Variants in NAALADL2 observed in about 807,000 individuals in gnomAD.
NAALADL2 encodes the protein N-acetylated alpha-linked acidic dipeptidase like 2, also known as inactive N-acetylated-alpha-linked acidic dipeptidase-like protein 2.
NAALADL2 carries 76 observed loss-of-function variants against 87.2 expected under a neutral mutation model. The ratio of observed to expected loss-of-function variants is 0.87; its 90% CI spans 0.72 to 1.05. NAALADL2 has a LOEUF of 1.05. Among genes scored for constraint, NAALADL2 ranks in the 50% least tolerant of loss-of-function variants. The pLI is 0.00. For synonymous variants in NAALADL2, 354 were observed against 331.0 expected, an observed-to-expected ratio of 1.07 and a Z score of -0.75; for missense variants, 1,089 against 945.8, an observed-to-expected ratio of 1.15 and a Z score of -1.99.
intron 1 of NAALADL2, among the ~76,000 whole-genome samples, chr3:174,906,258 A>G (rs1373766124): frequency 6.6e-6 from 1 of 152,074 alleles, no homozygotes; most frequent in Non-Finnish European, 1.5e-5. Flanking sequence ...CAGCATCTTC[A>G]TCTCTTTTTG....
At chr3:175,107,511 T>TACACAC (rs776469358) in intron 2 of NAALADL2, among the ~76,000 whole-genome samples, 3 of 117,270 alleles carry the variant, frequency 2.6e-5, no homozygotes, top group Admixed American at 8.4e-5. Flanking sequence ...AACACACACA[T>TACACAC]ACACACACAC....
intron 3 of NAALADL2, among the ~76,000 whole-genome samples, chr3:174,831,928 T>C (rs1305325977): frequency 6.6e-6 from 1 of 151,594 alleles, no homozygotes; most frequent in African/African-American, 2.4e-5. Flanking sequence ...GATGGTAGTT[T>C]GTATTTCTGT....
chr3:175,250,154 A>G (rs1748774344), intron 3 of NAALADL2, among the ~76,000 whole-genome samples: 1 of 150,366 alleles, frequency 6.7e-6, no homozygotes, highest in African/African-American at 2.5e-5. Flanking sequence ...GGGCAACAAG[A>G]GCAAAATTCG....
chr3:174,486,780 A>C (rs1024340034), intron 1 of NAALADL2, among the ~76,000 whole-genome samples: 2 of 152,028 alleles, frequency 1.3e-5, no homozygotes, highest in African/African-American at 4.8e-5. Flanking sequence ...TTAATTAGTT[A>C]TATCACTGAA....
intron 11 of NAALADL2, among the ~76,000 whole-genome samples, chr3:175,692,209 T>C (rs1315391044): frequency 2.0e-5 from 3 of 152,160 alleles, no homozygotes; most frequent in Non-Finnish European, 4.4e-5. Flanking sequence ...GTTTTCACTT[T>C]TTTTTTGCCA....
intron 1 of NAALADL2, among the ~76,000 whole-genome samples, chr3:174,967,157 A>C (rs943951555): frequency 6.6e-6 from 1 of 152,160 alleles, no homozygotes; most frequent in Non-Finnish European, 1.5e-5. Context: ...AGCAGGTAAT[A>C]GTGGTCCCTT....
chr3:175,397,965 C>T (rs1374493732), intron 5 of NAALADL2, among the ~76,000 whole-genome samples: 1 of 152,022 alleles, frequency 6.6e-6, no homozygotes, highest in African/African-American at 2.4e-5. Context: ...TTGTTTTAGT[C>T]TTATCTCTTG....
At chr3:175,110,355 G>GTGAGAAAAATTCATTTCA (rs1363650035) in intron 2 of NAALADL2, among the ~76,000 whole-genome samples, 2 of 151,742 alleles carry the variant, frequency 1.3e-5, no homozygotes, top group African/African-American at 2.4e-5. Context: ...GGCCATATTA[G>GTGAGAAAAATTCATTTCA]TGAGAAAAAT....
At chr3:174,922,497 C>A (rs1167138680) in intron 1 of NAALADL2, among the ~76,000 whole-genome samples, 2 of 152,102 alleles carry the variant, frequency 1.3e-5, no homozygotes, top group African/African-American at 4.8e-5. Flanking sequence ...AACTGTAGGA[C>A]AGCACTATTA....
At chr3:175,012,579 A>G (rs775874044) in intron 1 of NAALADL2, among the ~76,000 whole-genome samples, 1 of 152,158 alleles carries the variant, frequency 6.6e-6, no homozygotes, top group African/African-American at 2.4e-5. Flanking sequence ...TACGGACATT[A>G]TATTTTTATC....
At chr3:175,442,844 A>G (rs1213555786) in intron 5 of NAALADL2, among the ~76,000 whole-genome samples, 1 of 152,212 alleles carries the variant, frequency 6.6e-6, no homozygotes, top group Non-Finnish European at 1.5e-5. Context: ...GCTGCAAGCT[A>G]AAAGTTAAAG....
intron 2 of NAALADL2, among the ~76,000 whole-genome samples, chr3:174,684,904 T>C (rs1727887338): frequency 6.6e-6 from 1 of 152,142 alleles, no homozygotes; most frequent in African/African-American, 2.4e-5. Flanking sequence ...AAGGGTTTTC[T>C]TGTCACCCGG....
intron 3 of NAALADL2, among the ~76,000 whole-genome samples, chr3:174,811,500 A>G (rs998089048): frequency 1.3e-5 from 2 of 152,212 alleles, no homozygotes; most frequent in African/African-American, 2.4e-5. Context: ...TGCATGGGGC[A>G]TGCAACCCTT....
At chr3:175,561,610 A>G (rs1269440912) in intron 9 of NAALADL2, among the ~76,000 whole-genome samples, 1 of 152,180 alleles carries the variant, frequency 6.6e-6, no homozygotes, top group Non-Finnish European at 1.5e-5. Flanking sequence ...ACTGTATGCA[A>G]TATCTATAGA....
intron 6 of NAALADL2, among the ~76,000 whole-genome samples, chr3:175,450,408 A>G (rs977755373): frequency 6.6e-6 from 1 of 152,186 alleles, no homozygotes; most frequent in African/African-American, 2.4e-5. Flanking sequence ...TCTTCACTCA[A>G]CAAGTTGGAA....
At chr3:175,128,918 G>C (rs557850498) in intron 2 of NAALADL2, among the ~76,000 whole-genome samples, 1 of 151,838 alleles carries the variant, frequency 6.6e-6, no homozygotes, top group East Asian at 1.9e-4. Flanking sequence ...TTGTGTACTA[G>C]TTACCAATTT....
intron 4 of NAALADL2, among the ~76,000 whole-genome samples, chr3:175,257,786 C>G (rs1279170106): frequency 1.3e-5 from 2 of 151,876 alleles, no homozygotes; most frequent in Admixed American, 1.3e-4. Flanking sequence ...AAAAAAAGAT[C>G]AAGAGAACAT....
At chr3:174,853,212 A>C (rs1725462844) in intron 3 of NAALADL2, among the ~76,000 whole-genome samples, 1 of 147,114 alleles carries the variant, frequency 6.8e-6, no homozygotes, top group Non-Finnish European at 1.5e-5. Context: ...AAAAAAAAAA[A>C]AAAAAAAAAA....
chr3:175,492,710 T>C (rs1728276419), intron 9 of NAALADL2, among the ~76,000 whole-genome samples: 1 of 152,190 alleles, frequency 6.6e-6, no homozygotes, highest in Admixed American at 6.5e-5. Flanking sequence ...GTAAATTATA[T>C]GTGTTCATCT....
Sources: gnomAD v4.1 joint callset for allele counts (sites outside exome capture counted in the v4.1 genomes callset) on GRCh38, gnomAD v4.1.1 for gene constraint, MANE v1.5 for transcripts, NCBI Gene and HGNC (gene_info 2026-07-23, HGNC 2026-07-21) for gene names.